Variants in KLRG1 observed in about 807,000 individuals in gnomAD.
KLRG1 encodes killer cell lectin like receptor G1.
Under a neutral mutation model 21.8 loss-of-function variants are expected in KLRG1, and 16 were observed. That is an observed-to-expected ratio of 0.73 (90% CI 0.50 to 1.11). The LOEUF (loss-of-function observed/expected upper bound fraction) is 1.11, where lower values mean the gene tolerates loss of function less well. KLRG1 is among the 50% of genes most tolerant of loss of function. KLRG1 has a pLI of 0.00. For missense variants in KLRG1, 173 were observed against 218.3 expected (o/e 0.79, Z 1.31); for synonymous variants, 69 against 75.9 (o/e 0.91, Z 0.47).
chr12:9,085,493 CAT>C, the KLRG1 span, among the ~76,000 whole-genome samples: 1 of 151,798 alleles, frequency 6.6e-6, no homozygotes, highest in East Asian at 1.9e-4. Context: ...CATAACAAAA[CAT>C]AGCATAAAGT....
At chr12:9,069,866 G>T in the KLRG1 span, 2 of 1,537,094 alleles carry the variant, frequency 1.3e-6, no homozygotes, top group Non-Finnish European at 1.8e-6. Context: ...AACCCCTGGG[G>T]GATCCAGAGA....
chr12:9,165,129 T>C, the KLRG1 span: 1 of 1,612,722 alleles, frequency 6.2e-7, no homozygotes, highest in Admixed American at 1.7e-5. Flanking sequence ...TTCACCCTCA[T>C]TTTCCTTACC....
At chr12:8,978,210 C>T (rs1946688996) in intron 1 of KLRG1, among the ~76,000 whole-genome samples, 2 of 152,158 alleles carry the variant, frequency 1.3e-5, no homozygotes, top group Middle Eastern at 3.2e-3. Flanking sequence ...GCATACTTCA[C>T]ATTGCTGTTT....
the KLRG1 span, chr12:9,098,391 T>C: frequency 3.6e-6 from 1 of 274,362 alleles, no homozygotes; most frequent in Admixed American, 5.3e-5. Flanking sequence ...ATTCAATATA[T>C]TGTATTTTGT....
At chr12:9,094,340 C>CATATATATATATATATATATATAT in the KLRG1 span, among the ~76,000 whole-genome samples, 1 of 97,018 alleles carries the variant, frequency 1.0e-5, no homozygotes, top group Non-Finnish European at 2.0e-5. Flanking sequence ...AAAAATTGTG[C>CATATATATATATATATATATATAT]ATATATATAT....
Position 9,009,650 on chromosome 12 carries a change from T to C in KLRG1, c.*113T>C. ...TATATAGTTAGCAAATACTGAACTT[T>C]CTCAGATATGGCATTAGATGCAAGA... On this transcript the variant is annotated 3_prime_UTR_variant, in exon 5 of 5. Coordinates refer to ENST00000356986, the MANE Select transcript of KLRG1 (RefSeq NM_005810.4). The C allele has an allele frequency of 6.8e-7, 1 of 1,468,912 alleles. No homozygotes were observed. Among genetic ancestry groups the C allele is most frequent in the Non-Finnish European group, 9.0e-7 (1 of 1,114,682 alleles). The allele number at this position is 1,468,912 out of a possible 1,614,324, so 91.0% of individuals were successfully genotyped here.
chr12:9,112,692 G>T, the KLRG1 span: 1 of 717,632 alleles, frequency 1.4e-6, no homozygotes, highest in Non-Finnish European at 2.3e-6. Context: ...AATCACTTCT[G>T]CCATTTTACA....
chr12:9,109,728 G>T, the KLRG1 span: 1 of 809,356 alleles, frequency 1.2e-6, no homozygotes, highest in Non-Finnish European at 1.9e-6. Flanking sequence ...GTCCTCATTG[G>T]ACTTAGGTGT....
the KLRG1 span, chr12:9,065,167 C>T: frequency 8.3e-6 from 1 of 120,226 alleles, no homozygotes; most frequent in Admixed American, 7.8e-5. Flanking sequence ...CCCCCCCCCC[C>T]GCCCCCGCCC....
chr12:9,172,812 C>A, the KLRG1 span, among the ~76,000 whole-genome samples: 1 of 152,128 alleles, frequency 6.6e-6, no homozygotes, highest in African/African-American at 2.4e-5. Flanking sequence ...TACAGAAGCA[C>A]CCAGATTCAT....
intron 1 of KLRG1, among the ~76,000 whole-genome samples, chr12:8,966,323 C>T (rs1458786620): frequency 6.6e-6 from 1 of 151,952 alleles, no homozygotes; most frequent in Admixed American, 6.6e-5. Context: ...GCAACAAAAG[C>T]CAAAATTGAC....
chr12:9,013,429 G>A (rs1182911793), downstream of KLRG1, among the ~76,000 whole-genome samples: 2 of 152,154 alleles, frequency 1.3e-5, no homozygotes, highest in Non-Finnish European at 2.9e-5. Flanking sequence ...TTCAGACAGA[G>A]AATGTGAAAT....
chr12:9,098,449 T>TATATAA, the KLRG1 span: 95 of 381,456 alleles, frequency 2.5e-4, 1 homozygote, highest in African/African-American at 2.0e-3. Flanking sequence ...TATATATATA[T>TATATAA]AATTCCTTAC....
At chr12:9,091,441 TG>T in the KLRG1 span, 3 of 1,613,370 alleles carry the variant, frequency 1.9e-6, no homozygotes, top group Admixed American at 3.3e-5. Context: ...TGGAGAGGAG[TG>T]TAAGTGAAGA....
the KLRG1 span, among the ~76,000 whole-genome samples, chr12:9,187,077 CA>C: frequency 0.55 from 70,405 of 128,584 alleles, 18,617 homozygotes; most frequent in Admixed American, 0.63. Flanking sequence ...CAAGAAAGGT[CA>C]AAAAAAAAAA....
chr12:9,106,355 G>A, the KLRG1 span: 2 of 1,576,926 alleles, frequency 1.3e-6, no homozygotes, highest in Admixed American at 1.8e-5. Context: ...ACTGAAAAAA[G>A]AGAAAAAAAT....
At chr12:9,145,494 T>A in the KLRG1 span, among the ~76,000 whole-genome samples, 1 of 152,216 alleles carries the variant, frequency 6.6e-6, no homozygotes, top group Non-Finnish European at 1.5e-5. Context: ...AAAATTGATA[T>A]CTATTTTATG....
At chr12:9,104,385 C>T in the KLRG1 span, 2 of 1,591,286 alleles carry the variant, frequency 1.3e-6, no homozygotes, top group Non-Finnish European at 1.7e-6. Flanking sequence ...ACGCCTTTCC[C>T]ATCTACTAGG....
At chr12:9,154,523 T>C in the KLRG1 span, 2 of 1,190,258 alleles carry the variant, frequency 1.7e-6, no homozygotes, top group Non-Finnish European at 2.4e-6. Flanking sequence ...AATGATTTAA[T>C]AATTGCCTTC....
Sources: allele counts gnomAD v4.1 joint callset (sites outside exome capture counted in the v4.1 genomes callset), GRCh38; gene constraint gnomAD v4.1.1; transcripts MANE v1.5; gene names NCBI Gene and HGNC (gene_info 2026-07-23, HGNC 2026-07-21).